Variants in EPHA5 observed in about 807,000 individuals in gnomAD.
The protein encoded by EPHA5 is EPH receptor A5, also known as ephrin type-A receptor 5.
Under a neutral mutation model 105.0 loss-of-function variants are expected in EPHA5, and 60 were observed. That is an observed-to-expected ratio of 0.57 (90% CI 0.46 to 0.71). The LOEUF (loss-of-function observed/expected upper bound fraction) is 0.71. Among genes scored for constraint, EPHA5 ranks in the 30% least tolerant of loss-of-function variants. The pLI, the probability that EPHA5 is intolerant of heterozygous loss-of-function variation, is 0.00. For missense variants in EPHA5, 1,218 were observed against 1,274.7 expected, an observed-to-expected ratio of 0.96 and a Z score of 0.68; for synonymous variants, 513 against 449.1, an observed-to-expected ratio of 1.14 and a Z score of -1.80.
chr4:65,484,687 A>T (rs1358443261), intron 5 of EPHA5, among the ~76,000 whole-genome samples: 1 of 152,168 alleles, frequency 6.6e-6, no homozygotes, highest in African/African-American at 2.4e-5. Flanking sequence ...CTTATTTTCT[A>T]TTGGGACAAA....
chr4:65,446,640 G>A (rs967480352), intron 5 of EPHA5, among the ~76,000 whole-genome samples: 4 of 151,616 alleles, frequency 2.6e-5, no homozygotes, highest in African/African-American at 7.3e-5. Context: ...TATGAATAAT[G>A]TACAGAAATA....
intron 3 of EPHA5, among the ~76,000 whole-genome samples, chr4:65,524,156 G>T (rs566716038): frequency 3.3e-5 from 5 of 151,926 alleles, no homozygotes; most frequent in African/African-American, 1.2e-4. Context: ...AGAGGAATGA[G>T]ATTTTTACAG....
At chr4:65,573,410 CAAAA>C (rs71657188) in intron 3 of EPHA5, 2,797 of 652,388 alleles carry the variant, frequency 4.3e-3, no homozygotes, top group South Asian at 4.5e-3. Flanking sequence ...GACTCCGTCT[CAAAA>C]AAAAAAAAAA....
intron 2 of EPHA5, among the ~76,000 whole-genome samples, chr4:65,623,469 C>A (rs1357883744): frequency 1.3e-5 from 2 of 151,890 alleles, no homozygotes; most frequent in Non-Finnish European, 2.9e-5. Flanking sequence ...CATATTATAC[C>A]TAATACACTA....
chr4:65,417,937 T>C (rs1306886609), intron 6 of EPHA5, among the ~76,000 whole-genome samples: 1 of 151,922 alleles, frequency 6.6e-6, no homozygotes, highest in Non-Finnish European at 1.5e-5. Flanking sequence ...AGGTTATTCA[T>C]AAGGGGAAAA....
intron 3 of EPHA5, among the ~76,000 whole-genome samples, chr4:65,576,058 GAAAAGAAAAGAAAAGAAAA>G (rs1560721098): frequency 1.2e-4 from 6 of 50,814 alleles, no homozygotes; most frequent in South Asian, 1.5e-3. Context: ...AAGAAAGAAA[GAAAAGAAAAGAAAAGAAAA>G]GAAAAGAAAA....
chr4:65,381,982 G>A (rs927684528), intron 8 of EPHA5, among the ~76,000 whole-genome samples: 2 of 151,764 alleles, frequency 1.3e-5, no homozygotes. Context: ...TTATTTAAAT[G>A]CAAGTTTTAA....
intron 2 of EPHA5, among the ~76,000 whole-genome samples, chr4:65,624,584 G>A (rs1745974596): frequency 6.6e-6 from 1 of 151,992 alleles, no homozygotes; most frequent in Non-Finnish European, 1.5e-5. Context: ...TCATTCATAA[G>A]GAACATTAAA....
At chr4:65,489,130 C>A (rs962438051) in intron 5 of EPHA5, among the ~76,000 whole-genome samples, 1 of 152,008 alleles carries the variant, frequency 6.6e-6, no homozygotes, top group East Asian at 1.9e-4. Flanking sequence ...ATCTCCTGAC[C>A]TCGTGATCCA....
At chr4:65,467,253 T>C (rs1388987334) in intron 5 of EPHA5, among the ~76,000 whole-genome samples, 1 of 152,202 alleles carries the variant, frequency 6.6e-6, no homozygotes, top group Admixed American at 6.5e-5. Context: ...AGAGAGTTTG[T>C]CTGCTCAGAG....
chr4:65,622,823 A>G (rs1745822894), intron 2 of EPHA5, among the ~76,000 whole-genome samples: 1 of 152,160 alleles, frequency 6.6e-6, no homozygotes, highest in Non-Finnish European at 1.5e-5. Context: ...CTTAGAAGGG[A>G]CTTGGTCTGG....
intron 3 of EPHA5, among the ~76,000 whole-genome samples, chr4:65,590,048 C>T (rs1742488163): frequency 6.6e-6 from 1 of 152,136 alleles, no homozygotes; most frequent in African/African-American, 2.4e-5. Flanking sequence ...AATCACACAG[C>T]AGGAACTTTC....
chr4:65,560,484 C>A (rs1738898851), intron 3 of EPHA5, among the ~76,000 whole-genome samples: 1 of 152,030 alleles, frequency 6.6e-6, no homozygotes, highest in African/African-American at 2.4e-5. Flanking sequence ...AATATGACAT[C>A]TTCTCCTGAT....
chr4:65,655,740 A>G (rs1375282719), intron 1 of EPHA5, among the ~76,000 whole-genome samples: 1 of 152,106 alleles, frequency 6.6e-6, no homozygotes, highest in Non-Finnish European at 1.5e-5. Context: ...ATCAATTTTG[A>G]TTCCATAAGT....
At chr4:65,338,485 A>G (rs1487575027) in intron 14 of EPHA5, among the ~76,000 whole-genome samples, 1 of 151,806 alleles carries the variant, frequency 6.6e-6, no homozygotes, top group Non-Finnish European at 1.5e-5. Context: ...TTTTTTCAAT[A>G]ATCCTTCCTC....
intron 6 of EPHA5, among the ~76,000 whole-genome samples, chr4:65,416,965 C>T (rs1723442443): frequency 6.6e-6 from 1 of 152,192 alleles, no homozygotes; most frequent in Non-Finnish European, 1.5e-5. Context: ...CTGCCAAGTC[C>T]TTGGTCAGGG....
chr4:65,654,058 T>A (rs1748847195), intron 1 of EPHA5, among the ~76,000 whole-genome samples: 1 of 152,068 alleles, frequency 6.6e-6, no homozygotes, highest in Admixed American at 6.6e-5. Flanking sequence ...ATAATGCTGC[T>A]GACATGGCTA....
intron 2 of EPHA5, among the ~76,000 whole-genome samples, chr4:65,636,957 A>T (rs1003064476): frequency 1.3e-5 from 2 of 152,094 alleles, no homozygotes; most frequent in Admixed American, 1.3e-4. Flanking sequence ...TTGTTGAATG[A>T]ATAAATGCAG....
At chr4:65,410,368 C>T (rs1722800731) in intron 7 of EPHA5, among the ~76,000 whole-genome samples, 1 of 152,222 alleles carries the variant, frequency 6.6e-6, no homozygotes, top group Non-Finnish European at 1.5e-5. Context: ...AATTTGAAAA[C>T]GTTATACATA....
Sources: allele counts gnomAD v4.1 joint callset (sites outside exome capture counted in the v4.1 genomes callset), GRCh38; gene constraint gnomAD v4.1.1; transcripts MANE v1.5; gene names NCBI Gene and HGNC (gene_info 2026-07-23, HGNC 2026-07-21).